Variants in CBLB observed in about 807,000 individuals in gnomAD.
CBLB encodes Cbl proto-oncogene B, also known as E3 ubiquitin-protein ligase CBL-B.
CBLB carries 31 observed loss-of-function variants against 104.9 expected under a neutral mutation model. The ratio of observed to expected loss-of-function variants is 0.30; its 90% CI spans 0.22 to 0.40. CBLB has a LOEUF of 0.40. CBLB is among the 10% of genes least tolerant of loss of function. CBLB has a pLI of 1.00. For synonymous variants in CBLB, 440 were observed against 422.6 expected (o/e 1.04, Z -0.51); for missense variants, 1,062 against 1,214.6 (o/e 0.87, Z 1.87).
At chr3:105,699,641 A>C (rs559032290) in intron 12 of CBLB, among the ~76,000 whole-genome samples, 41 of 152,172 alleles carry the variant, frequency 2.7e-4, no homozygotes, top group Middle Eastern at 3.2e-3. Flanking sequence ...CAATGAAATG[A>C]GAAGAGGAAT....
chr3:105,676,444 T>C (rs1212727856), intron 17 of CBLB, among the ~76,000 whole-genome samples: 1 of 152,186 alleles, frequency 6.6e-6, no homozygotes, highest in Non-Finnish European at 1.5e-5. Flanking sequence ...CTTGGAAAGC[T>C]TGACTTTATT....
chr3:105,853,694 C>A, intron 2 of CBLB, 30 bp from the exon 3 acceptor site: 3 of 1,464,652 alleles, frequency 2.0e-6, no homozygotes, highest in South Asian at 1.2e-5. Flanking sequence ...TAAAATAAGT[C>A]ATAATATTTT....
intron 2 of CBLB, among the ~76,000 whole-genome samples, chr3:105,858,196 G>A (rs543135817): frequency 1.3e-5 from 2 of 152,062 alleles, no homozygotes; most frequent in Non-Finnish European, 2.9e-5. Flanking sequence ...GCTGAACTAC[G>A]GTATGCCACT....
rs34208930 is a variant in CBLB at position 105,702,476 on chromosome 3, G to GA, written c.1594-18dup. On this transcript the variant is annotated splice_polypyrimidine_tract_variant and intron_variant, in intron 11 of 18. Coordinates refer to ENST00000394030, the MANE Select transcript of CBLB (RefSeq NM_170662.5). ...AGGAGAAGACTAAAGAAACAGAAGA[G>GA]AAAAAAAAAAAAAAAAAAAAAAACT... 19,524 of 275,744 alleles carry GA rather than the reference G, an allele frequency of 0.071. 672 individuals are homozygous for GA. Among genetic ancestry groups the GA allele is most frequent in the African/African-American group, 0.14 (2,829 of 20,322 alleles). 17.1% of individuals were successfully genotyped at this position (275,744 alleles called of 1,614,324 possible).
At chr3:105,851,337 G>T (rs2090922196) in intron 3 of CBLB, among the ~76,000 whole-genome samples, 2 of 152,114 alleles carry the variant, frequency 1.3e-5, no homozygotes, top group African/African-American at 4.8e-5. Flanking sequence ...AGGCAAAACT[G>T]CACAGACAGT....
At chr3:105,824,206 C>A in intron 3 of CBLB, 1 of 152,342 alleles carries the variant, frequency 6.6e-6, no homozygotes, top group Non-Finnish European at 1.5e-5. Context: ...TTCTGCAGTC[C>A]TGCTCACTCT....
chr3:105,720,558 G>A (rs2072659322), intron 9 of CBLB, among the ~76,000 whole-genome samples: 2 of 152,148 alleles, frequency 1.3e-5, no homozygotes, highest in South Asian at 4.1e-4. Flanking sequence ...CAAGGCATTA[G>A]AGTCCTGAAG....
At chr3:105,854,787 C>T (rs867216240) in intron 2 of CBLB, among the ~76,000 whole-genome samples, 13 of 152,022 alleles carry the variant, frequency 8.6e-5, no homozygotes, top group South Asian at 4.1e-4. Flanking sequence ...TGCCTGCCAC[C>T]GCACCTGGCT....
rs1164513054 is a variant in CBLB at position 105,702,070 on chromosome 3, G to C, written c.1959+24C>G. The C allele has an allele frequency of 3.1e-6, 5 of 1,613,482 alleles. No homozygotes were observed. The Admixed American group carries it at 8.3e-5, about 27-fold the overall frequency. On this transcript the variant is annotated intron_variant, in intron 12 of 18. Coordinates refer to ENST00000394030, the MANE Select transcript of CBLB (RefSeq NM_170662.5). ...GAAGCATTTATAAGCAGATTCTCTA[G>C]CTTCTGCTTTGCGTATTTCTTACCT...
chr3:105,858,754 G>A (rs754299289), intron 2 of CBLB, among the ~76,000 whole-genome samples: 22 of 152,150 alleles, frequency 1.4e-4, no homozygotes, highest in Non-Finnish European at 2.5e-4. Flanking sequence ...TTGAAATACA[G>A]AACTAGAACC....
chr3:105,735,309 C>A (rs2074793848), intron 8 of CBLB, among the ~76,000 whole-genome samples: 1 of 151,898 alleles, frequency 6.6e-6, no homozygotes, highest in African/African-American at 2.4e-5. Flanking sequence ...CGAGAGAATG[C>A]ATAAAAATGG....
Position 105,776,333 on chromosome 3 carries a change from G to A in CBLB, c.566+63C>T, listed in dbSNP as rs2079454324. ...AGTAAAATATATACCATATCCAACT[G>A]GAGGGAGGATACAGTAACCCTTGAA... is the stretch of plus-strand genomic sequence containing the variant. On this transcript the variant is annotated intron_variant, in intron 4 of 18. Coordinates refer to ENST00000394030, the MANE Select transcript of CBLB (RefSeq NM_170662.5). 29 of 1,356,654 alleles carry A rather than the reference G, an allele frequency of 2.1e-5. 1 individual carries two copies. In the South Asian group the frequency reaches 3.4e-4, roughly 16 times the overall value. The allele number at this position is 1,356,654 out of a possible 1,614,324, so 84.0% of individuals were successfully genotyped here. A position where few individuals can be genotyped will look rare whatever the true frequency, so the allele number is the denominator to read the frequency against.
At chr3:105,683,854 T>C (rs113319971) in intron 14 of CBLB, among the ~76,000 whole-genome samples, 161 of 152,290 alleles carry the variant, frequency 1.1e-3, no homozygotes, top group African/African-American at 3.8e-3. Context: ...AAAAATAAAG[T>C]CCTGCGCTGT....
chr3:105,764,213 C>T (rs1166523035), intron 4 of CBLB, among the ~76,000 whole-genome samples: 1 of 152,076 alleles, frequency 6.6e-6, no homozygotes, highest in Non-Finnish European at 1.5e-5. Context: ...GGGGCACACA[C>T]TATTAGTCCA....
At chr3:105,706,983 A>G (rs1403772139) in intron 10 of CBLB, among the ~76,000 whole-genome samples, 1 of 152,184 alleles carries the variant, frequency 6.6e-6, no homozygotes. Context: ...GCCCATTATC[A>G]GTATTAGGAC....
At chr3:105,750,695 A>T (rs2076523637) in intron 5 of CBLB, among the ~76,000 whole-genome samples, 1 of 152,238 alleles carries the variant, frequency 6.6e-6, no homozygotes, top group Non-Finnish European at 1.5e-5. Flanking sequence ...ACGCAAAAGA[A>T]GAAAATGATA....
In CBLB at chr3:105,657,631, T is replaced by C. The variant is rs918600706; in HGVS notation, c.*1339A>G. On this transcript the variant is annotated 3_prime_UTR_variant, in exon 19 of 19. Coordinates refer to ENST00000394030, the MANE Select transcript of CBLB (RefSeq NM_170662.5). Reference sequence around the variant, plus strand: ...GTGCCTAACAGCACCAAGCATATCATAGATGCTCAATAAATATTTGTAGAT... The same window carrying C: ...GTGCCTAACAGCACCAAGCATATCACAGATGCTCAATAAATATTTGTAGAT... 2.9e-5 allele frequency: 6 copies of C among 203,556 alleles called. No homozygotes were observed. Among genetic ancestry groups the C allele is most frequent in the East Asian group, 1.5e-4 (2 of 13,206 alleles). The allele number at this position is 203,556 out of a possible 1,614,324, so 12.6% of individuals were successfully genotyped here.
chr3:105,716,142 A>T (rs1172100677), intron 10 of CBLB, among the ~76,000 whole-genome samples: 2 of 152,216 alleles, frequency 1.3e-5, no homozygotes, highest in African/African-American at 4.8e-5. Flanking sequence ...AAAACAGAGG[A>T]AGAACATTCA....
At chr3:105,768,721 CAATATA>C (rs1287456050) in intron 4 of CBLB, among the ~76,000 whole-genome samples, 3 of 152,048 alleles carry the variant, frequency 2.0e-5, no homozygotes, top group African/African-American at 7.2e-5. Flanking sequence ...ACACATTTTA[CAATATA>C]AATGTGTCTA....
Sources: allele counts gnomAD v4.1 joint callset (sites outside exome capture counted in the v4.1 genomes callset), GRCh38; gene constraint gnomAD v4.1.1; transcripts MANE v1.5; gene names NCBI Gene and HGNC (gene_info 2026-07-23, HGNC 2026-07-21).